CACNA1A: variants seen among roughly 807,000 people sequenced by gnomAD.
CACNA1A encodes calcium voltage-gated channel subunit alpha1 A.
A neutral mutation model predicts 262.4 loss-of-function variants in CACNA1A; 57 were observed. That is an observed-to-expected ratio of 0.22 (90% confidence interval 0.18 to 0.27). The LOEUF is 0.27. Ranked by LOEUF, CACNA1A falls within the 10% of genes least tolerant of loss-of-function variation. The probability of loss-of-function intolerance (pLI) is 1.00; values close to 1 mark genes in which losing one functional copy is unlikely to be tolerated. For missense variants in CACNA1A, 2,526 were observed against 3,562.8 expected (o/e 0.71, Z 7.41); for synonymous variants, 1,431 against 1,419.3 (o/e 1.01, Z -0.18).
At chr19:13,492,851 T>C (rs903631585) in intron 1 of CACNA1A, among the ~76,000 whole-genome samples, 2 of 152,128 alleles carry the variant, frequency 1.3e-5, no homozygotes, top group Non-Finnish European at 2.9e-5. Context: ...TATGAATGAA[T>C]GAACGCACTC....
At chr19:13,497,563 TATATATATATATATATAA>T (rs1981824043) in intron 1 of CACNA1A, among the ~76,000 whole-genome samples, 1 of 36,854 alleles carries the variant, frequency 2.7e-5, no homozygotes, top group African/African-American at 1.1e-4. Context: ...TATATATATA[TATATATATATATATATAA>T]ATTTATGTTG....
At chr19:13,325,235 A>C (rs1600334325) in intron 10 of CACNA1A, among the ~76,000 whole-genome samples, 1 of 136,580 alleles carries the variant, frequency 7.3e-6, no homozygotes. Context: ...ACAGTGTCTC[A>C]CACCTGTAAT....
intron 38 of CACNA1A, 109 bp downstream of exon 38, chr19:13,224,558 G>A (rs974658612): frequency 1.8e-5 from 13 of 718,060 alleles, no homozygotes; most frequent in Middle Eastern, 2.4e-4. Context: ...ATGGAAGAGT[G>A]AATGAAGATC....
intron 10 of CACNA1A, among the ~76,000 whole-genome samples, chr19:13,328,533 C>T (rs1247747688): frequency 5.9e-5 from 9 of 152,074 alleles, no homozygotes; most frequent in Non-Finnish European, 5.9e-5. Context: ...AAATGGGTTC[C>T]ATGTTTTTGA....
At chr19:13,256,221 C>G (rs188329662) in intron 28 of CACNA1A, 1 of 152,030 alleles carries the variant, frequency 6.6e-6, no homozygotes, top group East Asian at 1.9e-4. Context: ...TGGTCTTGAA[C>G]TTCCGGGCTC....
Position 13,417,118 on chromosome 19 carries a change from C to A in CACNA1A, c.539+35758G>T, listed in dbSNP as rs545099187. Reference sequence around the variant, plus strand: ...GACCGTCACCCTCTCCCCAAGGGGGCAGCCTGATGTTCCAGGAGGTGGCAG... The same window carrying A: ...GACCGTCACCCTCTCCCCAAGGGGGAAGCCTGATGTTCCAGGAGGTGGCAG... On this transcript the variant is annotated intron_variant, in intron 3 of 46. Transcript: ENST00000360228. 7.9e-5 allele frequency among the ~76,000 whole-genome samples: 12 copies of A among 152,282 alleles called. No homozygotes were observed. The South Asian group carries it at 2.5e-3, about 32-fold the overall frequency.
At chr19:13,277,157 G>A (rs754010848) in intron 22 of CACNA1A, 29 bp from the exon 23 acceptor site, 1 of 1,544,208 alleles carries the variant, frequency 6.5e-7, no homozygotes, top group Non-Finnish European at 9.0e-7. Context: ...AGAGAGCAGT[G>A]GATCACTGGC....
intron 3 of CACNA1A, among the ~76,000 whole-genome samples, chr19:13,429,465 G>A (rs1325475863): frequency 6.8e-6 from 1 of 146,520 alleles, no homozygotes; most frequent in Non-Finnish European, 1.5e-5. Flanking sequence ...TTTAAAAAAC[G>A]CTGACACGAG....
chr19:13,385,298 C>T (rs2059592046), intron 3 of CACNA1A, among the ~76,000 whole-genome samples: 1 of 148,594 alleles, frequency 6.7e-6, no homozygotes, highest in Non-Finnish European at 1.5e-5. Flanking sequence ...GGCACGATCT[C>T]GGCTTATTGC....
intron 5 of CACNA1A, 126 bp downstream of exon 5, chr19:13,365,191 A>G (rs2059185828): frequency 1.3e-6 from 1 of 773,498 alleles, no homozygotes; most frequent in Non-Finnish European, 2.2e-6. Context: ...CCTCTCCTGT[A>G]GTGCTCTCTG....
At chr19:13,259,529 C>T (rs558480149) in intron 27 of CACNA1A, 35 bp downstream of exon 27, 7 of 1,574,246 alleles carry the variant, frequency 4.4e-6, no homozygotes, top group South Asian at 1.2e-5. Context: ...CTCCCCAGGG[C>T]TCCTCCTGGA....
At chr19:13,460,780 G>C (rs2061107092) in intron 1 of CACNA1A, among the ~76,000 whole-genome samples, 1 of 152,006 alleles carries the variant, frequency 6.6e-6, no homozygotes, top group South Asian at 2.1e-4. Context: ...TCTTTCCCCA[G>C]ACATCCACAT....
chr19:13,464,543 A>ATTTTTTTT (rs540418372), intron 1 of CACNA1A, among the ~76,000 whole-genome samples: 14 of 128,940 alleles, frequency 1.1e-4, no homozygotes, highest in East Asian at 4.6e-4. Flanking sequence ...AACTTTTCCA[A>ATTTTTTTT]TTTTTTTTTT....
intron 3 of CACNA1A, among the ~76,000 whole-genome samples, chr19:13,387,534 C>A (rs1410983086): frequency 1.3e-5 from 2 of 152,186 alleles, no homozygotes; most frequent in African/African-American, 4.8e-5. Context: ...GTTAACTCTG[C>A]CACCCCACTC....
chr19:13,382,095 G>C lies in CACNA1A; in HGVS notation c.540-10316C>G, dbSNP rs2059533603. Among the ~76,000 whole-genome samples the C allele has an allele frequency of 3.3e-5, 5 of 152,246 alleles. No homozygotes were observed. The South Asian group carries it at 8.3e-4, about 25-fold the overall frequency. ...GTGCTGGATGCAGTGATAACGCTAAGACAAACTCCACCCTGCTTTAGGGAG... is the reference window on the plus strand; with the variant it reads ...GTGCTGGATGCAGTGATAACGCTAACACAAACTCCACCCTGCTTTAGGGAG... On this transcript the variant is annotated intron_variant, in intron 3 of 46. Transcript: ENST00000360228.
chr19:13,331,677 T>TC (rs1376419723), intron 9 of CACNA1A, among the ~76,000 whole-genome samples: 1 of 151,932 alleles, frequency 6.6e-6, no homozygotes, highest in Admixed American at 6.6e-5. Context: ...TAAATTCTTT[T>TC]TTTTTCTTTT....
At chr19:13,376,714 C>T (rs1045474354) in intron 3 of CACNA1A, among the ~76,000 whole-genome samples, 4 of 146,940 alleles carry the variant, frequency 2.7e-5, no homozygotes, top group African/African-American at 5.0e-5. Flanking sequence ...TGATACACTA[C>T]ACATAATATA....
intron 9 of CACNA1A, among the ~76,000 whole-genome samples, chr19:13,331,156 C>G (rs956194207): frequency 2.6e-5 from 4 of 152,116 alleles, no homozygotes; most frequent in African/African-American, 9.7e-5. Flanking sequence ...ATTTTATAAC[C>G]TTCTGGGACG....
Position 13,308,570 on chromosome 19 carries a change from G to A in CACNA1A, c.1669-42C>T, listed in dbSNP as rs778681692. 1 of 1,326,958 alleles carries A rather than the reference G, an allele frequency of 7.5e-7. No homozygotes were observed. The highest frequency in any genetic ancestry group is 1.1e-6 in the Non-Finnish European group (1 of 942,896). 82.2% of individuals were successfully genotyped at this position (1,326,958 alleles called of 1,614,324 possible). Reference sequence around the variant, plus strand: ...GGTCTCATGTCCAGGGACAGTGTCTGGGCTCCAGAACTGGCAAGCATTTCC... The same window carrying A: ...GGTCTCATGTCCAGGGACAGTGTCTAGGCTCCAGAACTGGCAAGCATTTCC... On this transcript the variant is annotated intron_variant, in intron 12 of 46. Coordinates refer to ENST00000360228, the MANE Select transcript of CACNA1A (RefSeq NM_001127222.2). This position sits in a 1 kb window ranked among gnomAD's most constrained non-coding sequence, Gnocchi z 4.2.
Sources: gnomAD v4.1 joint callset for allele counts (sites outside exome capture counted in the v4.1 genomes callset) on GRCh38, gnomAD v4.1.1 for gene constraint, Gnocchi (gnomAD v3.1) non-coding constraint, MANE v1.5 for transcripts, NCBI Gene and HGNC (gene_info 2026-07-23, HGNC 2026-07-21) for gene names.